MGA: variants seen among roughly 807,000 people sequenced by gnomAD.
The protein encoded by MGA is MAX gene-associated protein.
MGA carries 40 observed loss-of-function variants against 261.1 expected under a neutral mutation model. That is an observed-to-expected ratio of 0.15 (90% confidence interval 0.12 to 0.20). MGA has a LOEUF of 0.20. MGA is among the 10% of genes least tolerant of loss of function. The probability of loss-of-function intolerance (pLI) is 1.00; values close to 1 mark genes in which losing one functional copy is unlikely to be tolerated. For synonymous variants in MGA, 1,302 were observed against 1,290.6 expected, an observed-to-expected ratio of 1.01 and a Z score of -0.19; for missense variants, 3,397 against 3,630.5, an observed-to-expected ratio of 0.94 and a Z score of 1.65.
chr15:41,678,220 A>C (rs1372803771), intron 2 of MGA, among the ~76,000 whole-genome samples: 1 of 150,948 alleles, frequency 6.6e-6, no homozygotes, highest in Admixed American at 6.6e-5. Context: ...CCTCCTGAGT[A>C]GCTGGGATTA....
chr15:41,633,404 A>G (rs1595545215), intron 1 of MGA, among the ~76,000 whole-genome samples: 2 of 140,998 alleles, frequency 1.4e-5, no homozygotes, highest in East Asian at 4.1e-4. Flanking sequence ...CCCAGGCTGG[A>G]GTGCAGTGGT....
intron 2 of MGA, among the ~76,000 whole-genome samples, chr15:41,676,628 A>C (rs1023633457): frequency 3.9e-5 from 6 of 152,132 alleles, no homozygotes; most frequent in African/African-American, 1.4e-4. Context: ...AGATGTATTT[A>C]ATCAGTTCTG....
At position 41,762,461 on chromosome 15, in the gene MGA, G is replaced by GTTTTTTTTTTTTTT. The variant is rs34069193; in HGVS notation, c.7744+116_7744+129dup. 54 of 138,434 alleles carry GTTTTTTTTTTTTTT rather than the reference G, an allele frequency of 3.9e-4. 6 individuals carry two copies. Among genetic ancestry groups the GTTTTTTTTTTTTTT allele is most frequent in the East Asian group, 1.5e-3 (4 of 2,744 alleles). The allele number at this position is 138,434 out of a possible 1,614,324, so 8.6% of individuals were successfully genotyped here. On this transcript the variant is annotated intron_variant, in intron 22 of 23. Coordinates refer to ENST00000219905, the MANE Select transcript of MGA (RefSeq NM_001164273.2). The stretch of plus-strand genomic sequence containing the variant: ...TTGTCCACATTTTTAGTTTTGTGTG[G>GTTTTTTTTTTTTTT]TTTTTTTTTTTTTTTTTTTTTTTTT...
Position 41,768,734 on chromosome 15 carries a change from C to T in MGA, c.*1454C>T, listed in dbSNP as rs1188654965. 6.6e-6 allele frequency: 1 copy of T among 152,574 alleles called. No individual in the cohort carries two copies. The highest frequency in any genetic ancestry group is 1.5e-5 in the Non-Finnish European group (1 of 68,042). The allele number at this position is 152,574 out of a possible 1,614,324, so 9.5% of individuals were successfully genotyped here. A position where few individuals can be genotyped will look rare whatever the true frequency, so the allele number is the denominator to read the frequency against. On this transcript the variant is annotated 3_prime_UTR_variant, in exon 24 of 24. Coordinates refer to ENST00000219905, the MANE Select transcript of MGA (RefSeq NM_001164273.2). ...CTAGGTGATGCTATTTCTTCTATAT[C>T]TCCTGTCTTCTTTATCCCAAATCCC...
At chr15:41,752,764 G>A (rs2062916588) in intron 17 of MGA, among the ~76,000 whole-genome samples, 2 of 151,812 alleles carry the variant, frequency 1.3e-5, no homozygotes, top group African/African-American at 4.8e-5. Context: ...CACCATATTG[G>A]CCAGGCTGGT....
intron 1 of MGA, among the ~76,000 whole-genome samples, chr15:41,624,481 C>G (rs2056395819): frequency 6.6e-6 from 1 of 150,706 alleles, no homozygotes; most frequent in South Asian, 2.1e-4. Flanking sequence ...GCAGAGTATG[C>G]CTGCCACCAC....
At chr15:41,675,084 G>A (rs1176478946) in intron 2 of MGA, among the ~76,000 whole-genome samples, 1 of 152,142 alleles carries the variant, frequency 6.6e-6, no homozygotes, top group East Asian at 1.9e-4. Flanking sequence ...TGACTGTTAT[G>A]AATAAAACTA....
Position 41,689,154 on chromosome 15 carries a change from G to A in MGA, c.1065-6921G>A, listed in dbSNP as rs550144399. Among the ~76,000 whole-genome samples the A allele has an allele frequency of 7.2e-5, 11 of 152,164 alleles. No homozygotes were observed. The East Asian group carries it at 2.1e-3, about 29-fold the overall frequency. ...TTGAATATAATTTGAATAATGAACT[G>A]CTAATGCACTTATATTTGATGTCCT... On this transcript the variant is annotated intron_variant, in intron 2 of 23. Transcript: ENST00000219905.
intron 2 of MGA, chr15:41,691,626 A>G (rs369058770): frequency 1.4e-5 from 7 of 518,294 alleles, no homozygotes; most frequent in Non-Finnish European, 2.8e-5. Context: ...GAGTATTTTT[A>G]TGCAATCTGA....
intron 2 of MGA, chr15:41,684,646 C>A: frequency 5.0e-6 from 1 of 198,790 alleles, no homozygotes; most frequent in Non-Finnish European, 1.1e-5. Context: ...CGAACAAATG[C>A]ATGTTGTGTG....
At chr15:41,626,629 G>A (rs1163153957) in intron 1 of MGA, among the ~76,000 whole-genome samples, 2 of 151,888 alleles carry the variant, frequency 1.3e-5, no homozygotes, top group Non-Finnish European at 2.9e-5. Context: ...CTCCACATTG[G>A]TCAGGCTGGT....
intron 5 of MGA, among the ~76,000 whole-genome samples, chr15:41,703,466 A>G (rs2059960287): frequency 7.1e-6 from 1 of 140,610 alleles, no homozygotes; most frequent in African/African-American, 2.6e-5. Flanking sequence ...AAGAAGTTAT[A>G]TTGTACCTCC....
chr15:41,749,407 G>A lies in MGA; in HGVS notation c.5800G>A (p.Ala1934Thr). 1 of 1,613,992 alleles carries A rather than the reference G, an allele frequency of 6.2e-7. No homozygotes were observed. The highest frequency in any genetic ancestry group is 8.5e-7 in the Non-Finnish European group (1 of 1,179,886). ...CTCAGGAGGACAGCCTGTTGGTACA[G>A]CCAGTCTTATTCCTCTCCAGTCTGG... Residue 1934 changes from alanine (A) to threonine (T), a missense_variant, in exon 17 of 24, where the codon GCC (alanine) becomes ACC (threonine). Physicochemically the swap from Ala to Thr is moderately conservative, Grantham distance 58. This residue lies in a region of MGA where 1,410 missense variants were observed against 1,386.4 expected (regional missense o/e 1.02). Coordinates refer to ENST00000219905, the MANE Select transcript of MGA (RefSeq NM_001164273.2).
intron 14 of MGA, among the ~76,000 whole-genome samples, chr15:41,741,900 C>T (rs770586459): frequency 2.8e-4 from 43 of 151,480 alleles, no homozygotes; most frequent in African/African-American, 9.2e-4. Context: ...TTAGTAGAGA[C>T]GGGGTTTCAC....
intron 2 of MGA, among the ~76,000 whole-genome samples, chr15:41,689,705 A>G (rs145613919): frequency 2.9e-4 from 44 of 151,844 alleles, no homozygotes; most frequent in African/African-American, 9.7e-4. Flanking sequence ...AGCTGGGACT[A>G]CAGGTATGCA....
chr15:41,691,851 CT>C (rs1407206011), intron 2 of MGA, among the ~76,000 whole-genome samples: 1 of 151,636 alleles, frequency 6.6e-6, no homozygotes, highest in East Asian at 1.9e-4. Flanking sequence ...CAGTATTTTT[CT>C]CTTCATCTTT....
chr15:41,626,931 C>G (rs1028501647), intron 1 of MGA, among the ~76,000 whole-genome samples: 1 of 152,118 alleles, frequency 6.6e-6, no homozygotes, highest in African/African-American at 2.4e-5. Context: ...ATGGCACTAT[C>G]TCTGCTTACT....
chr15:41,635,497 C>A (rs1290292454), intron 1 of MGA, among the ~76,000 whole-genome samples: 1 of 151,714 alleles, frequency 6.6e-6, no homozygotes, highest in Non-Finnish European at 1.5e-5. Context: ...TTGAGACCAG[C>A]CCAGGCAACA....
Position 41,663,212 on chromosome 15 carries a change from GTA to G in MGA, c.-68+2691_-68+2692del, listed in dbSNP as rs1484614982. Among the ~76,000 whole-genome samples, 5 of 152,004 alleles carry G rather than the reference GTA, an allele frequency of 3.3e-5. No homozygotes were observed. The East Asian group carries it at 7.7e-4, about 23-fold the overall frequency. On this transcript the variant is annotated intron_variant, in intron 1 of 23. Transcript: ENST00000219905. The stretch of plus-strand genomic sequence containing the variant: ...GTTTTCTATGATAGCTTTTGTGTGT[GTA>G]TATGTCTTCTGGTGTGACATTTCAG...
Sources: gnomAD v4.1 joint callset for allele counts (sites outside exome capture counted in the v4.1 genomes callset) on GRCh38, gnomAD v4.1.1 for gene constraint, gnomAD v4.1.1 regional missense constraint, MANE v1.5 for transcripts, NCBI Gene and HGNC (gene_info 2026-07-23, HGNC 2026-07-21) for gene names.